The following FAM193A variants were observed in gnomAD, a reference collection of about 807,000 sequenced individuals.
FAM193A encodes the protein family with sequence similarity 193 member A, also known as protein FAM193A.
FAM193A carries 22 observed loss-of-function variants against 126.5 expected under a neutral mutation model. The observed-to-expected ratio is 0.17, with a 90% CI of 0.12 to 0.25. FAM193A has a LOEUF of 0.25. Ranked by LOEUF, FAM193A falls within the 10% of genes least tolerant of loss-of-function variation. FAM193A has a pLI of 1.00. For synonymous variants in FAM193A, 761 were observed against 646.8 expected (o/e 1.18, Z -2.68); for missense variants, 1,675 against 1,672.8 (o/e 1.00, Z -0.02).
At chr4:2,594,498 T>C (rs1006475340) in intron 1 of FAM193A, among the ~76,000 whole-genome samples, 6 of 152,196 alleles carry the variant, frequency 3.9e-5, no homozygotes, top group African/African-American at 1.4e-4. Context: ...AAGGACACCC[T>C]ACACGGCAGG....
chr4:2,556,672 A>ACCCT (rs1404138112), intron 1 of FAM193A, among the ~76,000 whole-genome samples: 1 of 152,094 alleles, frequency 6.6e-6, no homozygotes, highest in African/African-American at 2.4e-5. Flanking sequence ...ACAGAACAAG[A>ACCCT]CCCTGTCTCA....
intron 1 of FAM193A, among the ~76,000 whole-genome samples, chr4:2,553,907 C>A (rs1423294776): frequency 6.6e-6 from 1 of 152,012 alleles, no homozygotes; most frequent in African/African-American, 2.4e-5. Context: ...TTTTGCCTGC[C>A]ACCATCCATG....
intron 8 of FAM193A, among the ~76,000 whole-genome samples, chr4:2,658,861 G>C (rs539558798): frequency 7.2e-4 from 110 of 152,226 alleles, no homozygotes; most frequent in Non-Finnish European, 3.2e-4. Flanking sequence ...AGCGGTACTC[G>C]TGTCTCAGCC....
intron 19 of FAM193A, among the ~76,000 whole-genome samples, chr4:2,702,312 T>C (rs1277733982): frequency 2.0e-5 from 3 of 152,228 alleles, no homozygotes; most frequent in Non-Finnish European, 4.4e-5. Context: ...CTTAGACCAT[T>C]TGATGCGGCC....
chr4:2,560,916 G>A (rs1738572954), intron 1 of FAM193A, among the ~76,000 whole-genome samples: 1 of 152,186 alleles, frequency 6.6e-6, no homozygotes, highest in Non-Finnish European at 1.5e-5. Context: ...GCCTCCCAAA[G>A]TACTGGGATT....
chr4:2,669,464 C>G (rs1028635641), intron 12 of FAM193A, among the ~76,000 whole-genome samples: 1 of 152,008 alleles, frequency 6.6e-6, no homozygotes, highest in Non-Finnish European at 1.5e-5. Context: ...CAAAAATTAG[C>G]CAGGCGTGCT....
In FAM193A at chr4:2,659,904, C is replaced by T; in HGVS notation, c.1595C>T (p.Pro532Leu). 1 of 1,614,198 alleles carries T rather than the reference C, an allele frequency of 6.2e-7. No homozygotes were observed. The highest frequency in any genetic ancestry group is 8.5e-7 in the Non-Finnish European group (1 of 1,180,046). The change falls in exon 10 of 21, where the codon CCA (proline) becomes CTA (leucine). Residue 532 changes from proline (P) to leucine (L), a missense_variant. Pro to Leu is a moderately conservative substitution (Grantham distance 98). This residue lies in a region of FAM193A where 1,186 missense variants were observed against 1,109.2 expected (regional missense o/e 1.07). Transcript: ENST00000637812. ...GATGACATCCACATTCACCAGCTCC[C>T]ACTTCAAGTGGATCCTGCTCCTGAC... ...VTDDIHIHQL[P>L]LQVDPAPDYL... is the part of the protein sequence containing the mutation.
Position 2,701,014 on chromosome 4 carries a change from C to G in FAM193A, c.4372+470C>G, listed in dbSNP as rs1050418663. On this transcript the variant is annotated intron_variant, in intron 19 of 20. Coordinates refer to ENST00000637812, the MANE Select transcript of FAM193A (RefSeq NM_001366318.2). ...ATTTCTACCCCCTCCAGTTCCCCAA[C>G]TTTAGTTCCCCAACATCAGTATTTC... Among the ~76,000 whole-genome samples, 4 of 151,968 alleles carry G rather than the reference C, an allele frequency of 2.6e-5. No homozygotes were observed. In the East Asian group the frequency reaches 7.7e-4, roughly 29 times the overall value.
chr4:2,584,953 C>G (rs968178532), intron 1 of FAM193A, among the ~76,000 whole-genome samples: 2 of 151,918 alleles, frequency 1.3e-5, no homozygotes, highest in Admixed American at 1.3e-4. Context: ...CAAACCAAAA[C>G]TAAACATCCC....
In FAM193A at chr4:2,679,538, C is replaced by T. The variant is rs1020631404; in HGVS notation, c.2331+7166C>T. 1.8e-4 allele frequency among the ~76,000 whole-genome samples: 27 copies of T among 151,672 alleles called. 1 individual carries two copies. Among genetic ancestry groups the T allele is most frequent in the Non-Finnish European group, 4.4e-5 (3 of 67,914 alleles). The stretch of plus-strand genomic sequence containing the variant: ...GGGATTACAGGCATGCACCACGAGG[C>T]CCGGCTAATTTTGTATTTTTAGTAG... On this transcript the variant is annotated intron_variant, in intron 13 of 20. Transcript: ENST00000637812.
intron 2 of FAM193A, chr4:2,607,971 C>G: frequency 6.5e-7 from 1 of 1,545,074 alleles, no homozygotes. Context: ...CCTTGAGATG[C>G]TACCAGGGCA....
Position 2,688,824 on chromosome 4 carries a change from G to A in FAM193A, c.2332-682G>A, listed in dbSNP as rs540685056. Among the ~76,000 whole-genome samples the A allele has an allele frequency of 2.0e-4, 31 of 152,370 alleles. No individual in the cohort carries two copies. In the South Asian group the frequency reaches 6.2e-3, roughly 31 times the overall value. ...TGTTGCCTGGATAGTGGCTGAGGCA[G>A]AGGGAGGACCCAAGGGGGCCCCAGC... On this transcript the variant is annotated intron_variant, in intron 13 of 20. Coordinates refer to ENST00000637812, the MANE Select transcript of FAM193A (RefSeq NM_001366318.2).
intron 1 of FAM193A, among the ~76,000 whole-genome samples, chr4:2,547,604 C>CTGTG (rs34348453): frequency 0.011 from 1,599 of 144,908 alleles, 26 homozygotes; most frequent in African/African-American, 0.033. Context: ...GTGTGTGTGT[C>CTGTG]TGTGTGTGTG....
At chr4:2,650,990 T>G (rs1745608488) in intron 7 of FAM193A, among the ~76,000 whole-genome samples, 1 of 152,072 alleles carries the variant, frequency 6.6e-6, no homozygotes. Context: ...GAGGGTGGCA[T>G]CAGACCTGGA....
chr4:2,628,283 A>C (rs141182383), intron 4 of FAM193A, among the ~76,000 whole-genome samples: 2 of 152,174 alleles, frequency 1.3e-5, no homozygotes, highest in Non-Finnish European at 1.5e-5. Context: ...AATTCAGCCA[A>C]GTATTTTCAG....
intron 20 of FAM193A, among the ~76,000 whole-genome samples, chr4:2,731,089 G>A (rs1011667010): frequency 6.6e-6 from 1 of 151,656 alleles, no homozygotes; most frequent in Non-Finnish European, 1.5e-5. Flanking sequence ...CCAGCTACTT[G>A]GGAGGCTGAG....
At chr4:2,623,631 G>A (rs962059751) in intron 2 of FAM193A, among the ~76,000 whole-genome samples, 10 of 152,178 alleles carry the variant, frequency 6.6e-5, no homozygotes, top group African/African-American at 2.4e-4. Flanking sequence ...GCAGCAGACT[G>A]GGGTAGTGCA....
chr4:2,684,932 G>A (rs745957843), intron 13 of FAM193A, among the ~76,000 whole-genome samples: 36 of 152,292 alleles, frequency 2.4e-4, no homozygotes, highest in African/African-American at 4.8e-4. Flanking sequence ...GAGCAGGTGC[G>A]GCTGCATTTT....
At chr4:2,684,961 C>G (rs920026233) in intron 13 of FAM193A, among the ~76,000 whole-genome samples, 1 of 152,108 alleles carries the variant, frequency 6.6e-6, no homozygotes, top group African/African-American at 2.4e-5. Flanking sequence ...TTCCACGTGG[C>G]CTAGGAGTAG....
Sources: gnomAD v4.1 joint callset for allele counts (sites outside exome capture counted in the v4.1 genomes callset) on GRCh38, gnomAD v4.1.1 for gene constraint, gnomAD v4.1.1 regional missense constraint, MANE v1.5 for transcripts, NCBI Gene and HGNC (gene_info 2026-07-23, HGNC 2026-07-21) for gene names.